Variants in MYO7B observed in about 807,000 individuals in gnomAD.
MYO7B encodes myosin VIIB.
Under a neutral mutation model 259.7 loss-of-function variants are expected in MYO7B, and 212 were observed. The observed-to-expected ratio is 0.82, with a 90% CI of 0.73 to 0.91. MYO7B has a LOEUF of 0.91. Ranked by LOEUF, MYO7B falls within the 40% of genes least tolerant of loss-of-function variation. The probability of loss-of-function intolerance (pLI) is 0.00; values close to 1 mark genes in which losing one functional copy is unlikely to be tolerated. For synonymous variants in MYO7B, 1,197 were observed against 1,166.4 expected, an observed-to-expected ratio of 1.03 and a Z score of -0.54; for missense variants, 2,732 against 2,813.5, an observed-to-expected ratio of 0.97 and a Z score of 0.66.
chr2:127,571,413 CT>C (rs2104894585), intron 6 of MYO7B, among the ~76,000 whole-genome samples: 1 of 68,492 alleles, frequency 1.5e-5, no homozygotes, highest in African/African-American at 5.9e-5. Context: ...CTTTAATATT[CT>C]TTAATTGGTC....
At position 127,559,650 on chromosome 2, in the gene MYO7B, C is replaced by T; in HGVS notation, c.-23-50C>T. 1 of 1,576,316 alleles carries T rather than the reference C, an allele frequency of 6.3e-7. No individual in the cohort carries two copies. The highest frequency in any genetic ancestry group is 8.7e-7 in the Non-Finnish European group (1 of 1,145,784). ...CCCAGCTCCTGTGCTCCAGGGGCTC[C>T]TATTGGGGCTGTGTATGGAGCTGAC... On this transcript the variant is annotated intron_variant, in intron 1 of 47. Transcript: ENST00000409816. The surrounding 1 kb of genome is among the most constrained non-coding windows in gnomAD (Gnocchi z 4.1).
Position 127,576,505 on chromosome 2 carries a change from A to G in MYO7B, c.736-90A>G, listed in dbSNP as rs989883274. The G allele has an allele frequency of 1.2e-5, 9 of 737,730 alleles. No individual in the cohort carries two copies. Among genetic ancestry groups the G allele is most frequent in the African/African-American group, 1.8e-5 (1 of 55,318 alleles). The allele number at this position is 737,730 out of a possible 1,614,324, so 45.7% of individuals were successfully genotyped here. A position where few individuals can be genotyped will look rare whatever the true frequency, so the allele number is the denominator to read the frequency against. On this transcript the variant is annotated intron_variant, in intron 7 of 47. Coordinates refer to ENST00000409816, the MANE Select transcript of MYO7B (RefSeq NM_001393586.1). The surrounding 1 kb of genome is among the most constrained non-coding windows in gnomAD (Gnocchi z 4.9). ...GGCTGAGAGATGTGGAGCGGAGGCC[A>G]GGGCTGGGCTGGGCAGAGGCAGTCT... is the stretch of plus-strand genomic sequence containing the variant.
In MYO7B at chr2:127,597,755, C is replaced by T. The variant is rs1679829104; in HGVS notation, c.2339+1199C>T. 6.6e-6 allele frequency among the ~76,000 whole-genome samples: 1 copy of T among 152,220 alleles called. No homozygotes were observed. The highest frequency in any genetic ancestry group is 1.9e-4 in the East Asian group (1 of 5,186). Reference sequence around the variant, plus strand: ...GCTCAAGCTATCCTCCCACCTCAGCCTCCAAAGTAGCTGGTACTACTACAG... The same window carrying T: ...GCTCAAGCTATCCTCCCACCTCAGCTTCCAAAGTAGCTGGTACTACTACAG... On this transcript the variant is annotated intron_variant, in intron 19 of 47. Coordinates refer to ENST00000409816, the MANE Select transcript of MYO7B (RefSeq NM_001393586.1). This position sits in a 1 kb window ranked among gnomAD's most constrained non-coding sequence, Gnocchi z 4.8.
rs371447917 is a variant in MYO7B, at chr2:127,569,770, C to G, written c.471-19C>G. On this transcript the variant is annotated intron_variant, in intron 5 of 47. Transcript: ENST00000409816. ...ATAGTCGTTTTGTGGCATCATGTCC[C>G]TGCACACCCTTTTTGCAGCGGCGAG... 11 of 1,605,102 alleles carry G rather than the reference C, an allele frequency of 6.9e-6. No individual in the cohort carries two copies. The highest frequency in any genetic ancestry group is 9.4e-6 in the Non-Finnish European group (11 of 1,173,980).
Position 127,584,238 on chromosome 2 carries a change from T to A in MYO7B, c.1460T>A (p.Ile487Asn). ...YRSENISWDY[I>N]HYTDNRPTLD... is the part of the protein sequence containing the mutation. ...TCGGAGAACATCTCCTGGGACTATA[T>A]CCACTACACCGACAATCGGCCCACC... is the stretch of plus-strand genomic sequence containing the variant. Residue 487 changes from isoleucine to asparagine, a missense_variant, in exon 13 of 48, where the codon ATC (isoleucine) becomes AAC (asparagine). Around this residue, in one of 3 missense-constraint regions of MYO7B, gnomAD observed 1,906 missense variants for 2,026.4 expected, o/e 0.94. Coordinates refer to ENST00000409816, the MANE Select transcript of MYO7B (RefSeq NM_001393586.1). The surrounding 1 kb of genome is among the most constrained non-coding windows in gnomAD (Gnocchi z 5.8). The A allele has an allele frequency of 6.2e-7, 1 of 1,613,950 alleles. No homozygotes were observed. Among genetic ancestry groups the A allele is most frequent in the Non-Finnish European group, 8.5e-7 (1 of 1,179,888 alleles).
Position 127,628,096 on chromosome 2 carries a change from C to T in MYO7B, c.4461-276C>T. ...TCTCAGCTCTGACCTTTGCAGTGTC[C>T]CTGCGGTGTCACTGCACACCAGCCA... is the stretch of plus-strand genomic sequence containing the variant. On this transcript the variant is annotated intron_variant, in intron 33 of 47. Transcript: ENST00000409816. The surrounding 1 kb of genome is among the most constrained non-coding windows in gnomAD (Gnocchi z 4.8). 1.6e-6 allele frequency: 1 copy of T among 619,394 alleles called. No homozygotes were observed. Among genetic ancestry groups the T allele is most frequent in the Admixed American group, 2.1e-5 (1 of 47,310 alleles). 38.4% of individuals were successfully genotyped at this position (619,394 alleles called of 1,614,324 possible). A position where few individuals can be genotyped will look rare whatever the true frequency, so the allele number is the denominator to read the frequency against.
intron 19 of MYO7B, among the ~76,000 whole-genome samples, chr2:127,602,912 A>T (rs1264243123): frequency 6.6e-6 from 1 of 151,446 alleles, no homozygotes; most frequent in African/African-American, 2.4e-5. Flanking sequence ...AGGTGGGAGG[A>T]TTACTTGAGC....
At chr2:127,624,003 G>A (rs1306655654) in intron 29 of MYO7B, 90 bp from the exon 30 acceptor site, 7 of 1,268,256 alleles carry the variant, frequency 5.5e-6, no homozygotes, top group African/African-American at 1.5e-5. Context: ...CCCAGGCCCT[G>A]TCTTCTACGT....
At position 127,546,932 on chromosome 2, in the gene MYO7B, T is replaced by C. The variant is rs1171847054; in HGVS notation, c.-24+11101T>C. ...CCCACCCACCCATTCACCCACTCAT[T>C]CAACCACTAATCGACTCATCCATCC... On this transcript the variant is annotated intron_variant, in intron 1 of 47. Coordinates refer to ENST00000409816, the MANE Select transcript of MYO7B (RefSeq NM_001393586.1). This position sits in a 1 kb window ranked among gnomAD's most constrained non-coding sequence, Gnocchi z 4.2. Among the ~76,000 whole-genome samples, 1 of 151,538 alleles carries C rather than the reference T, an allele frequency of 6.6e-6. No homozygotes were observed. The highest frequency in any genetic ancestry group is 1.5e-5 in the Non-Finnish European group (1 of 67,900).
chr2:127,593,976 G>A (rs533158592), intron 18 of MYO7B, among the ~76,000 whole-genome samples: 3 of 152,340 alleles, frequency 2.0e-5, no homozygotes, highest in South Asian at 2.1e-4. Context: ...GCGGTCTGCC[G>A]GTGTCCTGAG....
At chr2:127,583,657 GAGTTC>G (rs1004175013) in intron 12 of MYO7B, among the ~76,000 whole-genome samples, 1 of 152,188 alleles carries the variant, frequency 6.6e-6, no homozygotes, top group African/African-American at 2.4e-5. Context: ...GTGCAGGTTG[GAGTTC>G]TGGGAACAGG....
chr2:127,549,127 TTC>T (rs144569162), intron 1 of MYO7B, among the ~76,000 whole-genome samples: 18 of 149,070 alleles, frequency 1.2e-4, no homozygotes, highest in Non-Finnish European at 1.6e-4. Flanking sequence ...TCTCTCTTCT[TTC>T]TCTCTTTCTT....
In MYO7B at chr2:127,559,185, A is replaced by G. The variant is rs1485954781; in HGVS notation, c.-23-515A>G. On this transcript the variant is annotated intron_variant, in intron 1 of 47. Coordinates refer to ENST00000409816, the MANE Select transcript of MYO7B (RefSeq NM_001393586.1). The surrounding 1 kb of genome is among the most constrained non-coding windows in gnomAD (Gnocchi z 4.1). ...GCTCCCTCTAGAACCACCAGGTGCT[A>G]AGGACAGGTTTGAAAGGAGGCAGAT... Among the ~76,000 whole-genome samples, 2 of 152,194 alleles carry G rather than the reference A, an allele frequency of 1.3e-5. No homozygotes were observed. Among genetic ancestry groups the G allele is most frequent in the African/African-American group, 2.4e-5 (1 of 41,446 alleles).
chr2:127,551,646 G>C lies in MYO7B; in HGVS notation c.-23-8054G>C, dbSNP rs188433182. 1.5e-3 allele frequency among the ~76,000 whole-genome samples: 234 copies of C among 152,346 alleles called. 5 individuals are homozygous for C. The highest frequency in any genetic ancestry group is 0.015 in the Admixed American group (232 of 15,304). On this transcript the variant is annotated intron_variant, in intron 1 of 47. Coordinates refer to ENST00000409816, the MANE Select transcript of MYO7B (RefSeq NM_001393586.1). ...ACCACTACAGTAATTGATAAAGCAA[G>C]GCCCTAAAGCAGAGGCGGGAGAAGG...
chr2:127,544,575 ATTTTTTTTTTTTT>A, intron 1 of MYO7B, among the ~76,000 whole-genome samples: 1 of 103,174 alleles, frequency 9.7e-6, no homozygotes, highest in African/African-American at 3.9e-5. Context: ...CGTCTGGCTA[ATTTTTTTTTTTTT>A]TTTTTTTTTT....
chr2:127,605,129 G>A (rs10196625), intron 19 of MYO7B, among the ~76,000 whole-genome samples: 202 of 152,346 alleles, frequency 1.3e-3, no homozygotes, highest in African/African-American at 4.7e-3. Context: ...GAGCTTGCCT[G>A]GGAGTGACTC....
At chr2:127,566,298 T>C (rs903670384) in intron 4 of MYO7B, among the ~76,000 whole-genome samples, 12 of 152,182 alleles carry the variant, frequency 7.9e-5, no homozygotes, top group African/African-American at 2.9e-4. Flanking sequence ...CCAGCCTATA[T>C]GAAAGCCCCT....
rs1693225100 is a variant in MYO7B at position 127,546,282 on chromosome 2, A to G, written c.-24+10451A>G. On this transcript the variant is annotated intron_variant, in intron 1 of 47. Transcript: ENST00000409816. This position sits in a 1 kb window ranked among gnomAD's most constrained non-coding sequence, Gnocchi z 4.2. ...CTGATCTGTGAAGTGGGATGTCTCCATGGACAGCACAGGGTTGCTGTGGGG... is the reference window on the plus strand; with the variant it reads ...CTGATCTGTGAAGTGGGATGTCTCCGTGGACAGCACAGGGTTGCTGTGGGG... 6.6e-6 allele frequency among the ~76,000 whole-genome samples: 1 copy of G among 152,150 alleles called. No individual in the cohort carries two copies. Among genetic ancestry groups the G allele is most frequent in the Admixed American group, 6.5e-5 (1 of 15,286 alleles).
intron 16 of MYO7B, 39 bp from the exon 17 acceptor site, chr2:127,592,755 G>A (rs1679607265): frequency 1.3e-6 from 2 of 1,585,554 alleles, no homozygotes; most frequent in African/African-American, 2.7e-5. Context: ...GCTGGAAAGT[G>A]GGGCTTGCGC....
Sources: allele counts gnomAD v4.1 joint callset (sites outside exome capture counted in the v4.1 genomes callset), GRCh38; gene constraint gnomAD v4.1.1; regional missense constraint gnomAD v4.1.1; non-coding constraint Gnocchi (gnomAD v3.1); transcripts MANE v1.5; gene names NCBI Gene and HGNC (gene_info 2026-07-23, HGNC 2026-07-21).